Variants in LIFR observed in about 807,000 individuals in gnomAD.
LIFR encodes LIF receptor subunit alpha.
In LIFR, 84 loss-of-function variants were observed where a neutral mutation model predicts 122.2. The ratio of observed to expected loss-of-function variants is 0.69; its 90% CI spans 0.58 to 0.82. The LOEUF (loss-of-function observed/expected upper bound fraction) is 0.82, where lower values mean the gene tolerates loss of function less well. Ranked by LOEUF, LIFR falls within the 40% of genes least tolerant of loss-of-function variation. LIFR has a pLI of 0.00. For synonymous variants in LIFR, 422 were observed against 434.7 expected (o/e 0.97, Z 0.36); for missense variants, 1,294 against 1,311.6 (o/e 0.99, Z 0.21).
intron 1 of LIFR, among the ~76,000 whole-genome samples, chr5:38,580,113 T>C (rs1749532479): frequency 6.6e-6 from 1 of 152,234 alleles, no homozygotes. Flanking sequence ...TATAAATTAG[T>C]ATAAAAGTAC....
rs770474638 is a variant in LIFR, at chr5:38,512,456, AAAAAAATAAAAAAAT to A, written c.562-507_562-493del. ...CAATACGGCGAAACCCCATCTCTAC[AAAAAAATAAAAAAAT>A]AAAAAATAAAAAAATAAAATTAGCC... On this transcript the variant is annotated intron_variant, in intron 5 of 19. Coordinates refer to ENST00000453190, the MANE Select transcript of LIFR (RefSeq NM_001127671.2). Among the ~76,000 whole-genome samples, 11 of 151,564 alleles carry A rather than the reference AAAAAAATAAAAAAAT, an allele frequency of 7.3e-5. 1 individual carries two copies. Among genetic ancestry groups the A allele is most frequent in the South Asian group, 6.3e-4 (3 of 4,796 alleles).
rs1366627994 is a variant in LIFR at position 38,480,499 on chromosome 5, A to C, written c.*1096T>G. 4.6e-6 allele frequency: 1 copy of C among 215,154 alleles called. No individual in the cohort carries two copies. The highest frequency in any genetic ancestry group is 2.3e-5 in the African/African-American group (1 of 44,302). The allele number at this position is 215,154 out of a possible 1,614,324, so 13.3% of individuals were successfully genotyped here. ...TCTCTCTTTAGTTTTATATTTAAAAATGTGAGGACTGGATCAGATAATGTG... is the reference window on the plus strand; with the variant it reads ...TCTCTCTTTAGTTTTATATTTAAAACTGTGAGGACTGGATCAGATAATGTG... On this transcript the variant is annotated 3_prime_UTR_variant, in exon 20 of 20. Coordinates refer to ENST00000453190, the MANE Select transcript of LIFR (RefSeq NM_001127671.2).
chr5:38,482,705 T>A lies in LIFR; in HGVS notation c.2592-38A>T, dbSNP rs1008322424. ...AATTATTACAGTAAATTTAATAGTT[T>A]TAAGATTATTAGATAATAAATTAAT... On this transcript the variant is annotated intron_variant, in intron 18 of 19. Coordinates refer to ENST00000453190, the MANE Select transcript of LIFR (RefSeq NM_001127671.2). 6.0e-6 allele frequency: 5 copies of A among 839,316 alleles called. No homozygotes were observed. In the African/African-American group the frequency reaches 8.8e-5, roughly 15 times the overall value. The allele number at this position is 839,316 out of a possible 1,614,324, so 52.0% of individuals were successfully genotyped here.
At chr5:38,549,890 G>A (rs747323047) in intron 1 of LIFR, among the ~76,000 whole-genome samples, 10 of 152,140 alleles carry the variant, frequency 6.6e-5, no homozygotes, top group Non-Finnish European at 1.5e-4. Flanking sequence ...CTGGAAGTGA[G>A]TTTTTTCCAA....
chr5:38,507,542 C>G (rs1414046686), intron 7 of LIFR, among the ~76,000 whole-genome samples: 1 of 121,680 alleles, frequency 8.2e-6, no homozygotes, highest in Non-Finnish European at 1.6e-5. Flanking sequence ...CTGGTCTGGG[C>G]GACAGAGCGA....
At chr5:38,550,173 C>A (rs963473797) in intron 1 of LIFR, 1 of 623,322 alleles carries the variant, frequency 1.6e-6, no homozygotes, top group African/African-American at 2.0e-5. Flanking sequence ...TTGAAACACC[C>A]ACCAACAGCA....
intron 1 of LIFR, among the ~76,000 whole-genome samples, chr5:38,555,745 G>A: frequency 6.6e-6 from 1 of 152,072 alleles, no homozygotes; most frequent in East Asian, 1.9e-4. Context: ...CATTAATTCA[G>A]ATTAATCATG....
At chr5:38,519,138 GTTAAT>G (rs1434680331) in intron 5 of LIFR, among the ~76,000 whole-genome samples, 1 of 152,062 alleles carries the variant, frequency 6.6e-6, no homozygotes, top group Non-Finnish European at 1.5e-5. Flanking sequence ...GTAAGCTAAG[GTTAAT>G]TTATTACCAA....
At chr5:38,563,411 G>A (rs1246486140) in intron 1 of LIFR, among the ~76,000 whole-genome samples, 2 of 152,138 alleles carry the variant, frequency 1.3e-5, no homozygotes, top group East Asian at 1.9e-4. Flanking sequence ...ATATTAATTG[G>A]TTATTAACAT....
At chr5:38,498,278 C>T (rs1374306865) in intron 12 of LIFR, among the ~76,000 whole-genome samples, 3 of 152,162 alleles carry the variant, frequency 2.0e-5, no homozygotes, top group East Asian at 1.9e-4. Flanking sequence ...CTATTTTCTT[C>T]GTTGTTCCTG....
At chr5:38,484,229 C>T (rs950199929) in intron 18 of LIFR, among the ~76,000 whole-genome samples, 4 of 152,236 alleles carry the variant, frequency 2.6e-5, no homozygotes, top group Non-Finnish European at 5.9e-5. Context: ...GTTCAGTCTT[C>T]CTAGCACCCA....
At chr5:38,484,093 T>C (rs1276195047) in intron 18 of LIFR, among the ~76,000 whole-genome samples, 1 of 152,178 alleles carries the variant, frequency 6.6e-6, no homozygotes. Context: ...AAAGAAATAA[T>C]TATCTGTCTG....
intron 1 of LIFR, among the ~76,000 whole-genome samples, chr5:38,547,644 C>CA (rs1561197868): frequency 6.6e-6 from 1 of 152,072 alleles, no homozygotes; most frequent in East Asian, 1.9e-4. Context: ...AAACTAATTA[C>CA]AAAACTAATG....
intron 10 of LIFR, 65 bp downstream of exon 10, chr5:38,503,911 T>C: frequency 8.4e-7 from 1 of 1,192,116 alleles, no homozygotes. Context: ...ATCAATTTGC[T>C]TAATTCTTTT....
At chr5:38,566,336 G>GT (rs1473930834) in intron 1 of LIFR, among the ~76,000 whole-genome samples, 1 of 152,148 alleles carries the variant, frequency 6.6e-6, no homozygotes, top group East Asian at 1.9e-4. Flanking sequence ...GTTTGCAGAC[G>GT]TATCAGTTGG....
rs368485472 is a variant in LIFR, at chr5:38,539,079, G to T, written c.-19-8413C>A. On this transcript the variant is annotated intron_variant, in intron 1 of 19. Transcript: ENST00000453190. ...GTGTTCACGCCATTCTCCTGCCTCA[G>T]CCTCCCGAGTAGCTGGGACTACAGG... is the stretch of plus-strand genomic sequence containing the variant. 5.8e-4 allele frequency among the ~76,000 whole-genome samples: 88 copies of T among 152,154 alleles called. 1 individual carries two copies. The East Asian group carries it at 0.016, about 28-fold the overall frequency.
intron 15 of LIFR, 82 bp downstream of exon 15, chr5:38,490,108 G>T: frequency 4.6e-6 from 2 of 433,158 alleles, no homozygotes; most frequent in Non-Finnish European, 4.3e-6. Flanking sequence ...CTTATTTTTA[G>T]AATTCAATCA....
In LIFR at chr5:38,552,655, A is replaced by G. The variant is rs569751443; in HGVS notation, c.-20+3679T>C. ...AATTTACTGAAAAGGTTTGTTTTTAAGGTTTTACACTTGAATTTCATGGAA... is the reference window on the plus strand; with the variant it reads ...AATTTACTGAAAAGGTTTGTTTTTAGGGTTTTACACTTGAATTTCATGGAA... On this transcript the variant is annotated intron_variant, in intron 1 of 19. Transcript: ENST00000453190. Among the ~76,000 whole-genome samples, 12 of 152,334 alleles carry G rather than the reference A, an allele frequency of 7.9e-5. No individual in the cohort carries two copies. In the South Asian group the frequency reaches 2.3e-3, roughly 29 times the overall value.
At position 38,478,807 on chromosome 5, in the gene LIFR, T is replaced by G; in HGVS notation, c.*2788A>C. 1 of 220,508 alleles carries G rather than the reference T, an allele frequency of 4.5e-6. No individual in the cohort carries two copies. Among genetic ancestry groups the G allele is most frequent in the Non-Finnish European group, 9.1e-6 (1 of 109,676 alleles). The allele number at this position is 220,508 out of a possible 1,614,324, so 13.7% of individuals were successfully genotyped here. ...TGGAACATAATGCTAGTTTGACAAT[T>G]AGATTTTTCTAACCAATGACTGGGC... On this transcript the variant is annotated 3_prime_UTR_variant, in exon 20 of 20. Transcript: ENST00000453190.
Sources: gnomAD v4.1 joint callset for allele counts (sites outside exome capture counted in the v4.1 genomes callset) on GRCh38, gnomAD v4.1.1 for gene constraint, MANE v1.5 for transcripts, NCBI Gene and HGNC (gene_info 2026-07-23, HGNC 2026-07-21) for gene names.